Variants in MGMT observed in about 807,000 individuals in gnomAD.
MGMT encodes the protein methylated-DNA--protein-cysteine methyltransferase.
In MGMT, 14 loss-of-function variants were observed where a neutral mutation model predicts 15.9. That is an observed-to-expected ratio of 0.88 (90% confidence interval 0.58 to 1.37). The LOEUF is 1.37. MGMT is among the 40% of genes most tolerant of loss of function. The pLI is 0.00. For synonymous variants in MGMT, 130 were observed against 118.2 expected (o/e 1.10, Z -0.65); for missense variants, 282 against 268.1 (o/e 1.05, Z -0.36).
intron 3 of MGMT, among the ~76,000 whole-genome samples, chr10:129,745,765 A>T (rs1428950780): frequency 6.6e-6 from 1 of 151,792 alleles, no homozygotes; most frequent in Admixed American, 6.6e-5. Flanking sequence ...CTCTTTGGGG[A>T]AGTGTCAATT....
intron 3 of MGMT, among the ~76,000 whole-genome samples, chr10:129,719,632 C>T (rs1361227832): frequency 6.6e-6 from 1 of 152,160 alleles, no homozygotes; most frequent in African/African-American, 2.4e-5. Flanking sequence ...ATCATAATCT[C>T]CCCTTCTTAG....
intron 2 of MGMT, among the ~76,000 whole-genome samples, chr10:129,575,433 T>TACTG (rs1204736619): frequency 1.3e-4 from 19 of 151,236 alleles, no homozygotes; most frequent in Non-Finnish European, 2.4e-4. Context: ...CCTGAATGAC[T>TACTG]ACTGGGTACA....
At chr10:129,588,575 G>A (rs951135832) in intron 2 of MGMT, among the ~76,000 whole-genome samples, 14 of 152,136 alleles carry the variant, frequency 9.2e-5, no homozygotes, top group Non-Finnish European at 8.8e-5. Flanking sequence ...CTGTGGCTCG[G>A]TGTGGCCAAG....
chr10:129,598,579 G>T (rs74160237), intron 2 of MGMT, among the ~76,000 whole-genome samples: 1 of 152,146 alleles, frequency 6.6e-6, no homozygotes, highest in Non-Finnish European at 1.5e-5. Flanking sequence ...AAAACCACAC[G>T]CAAGAAAGCA....
At chr10:129,618,857 A>C (rs1216018518) in intron 2 of MGMT, among the ~76,000 whole-genome samples, 1 of 90,136 alleles carries the variant, frequency 1.1e-5, no homozygotes, top group Non-Finnish European at 2.8e-5. Flanking sequence ...GAGTTTGCTG[A>C]ACAAATTTAT....
intron 3 of MGMT, among the ~76,000 whole-genome samples, chr10:129,749,256 C>A (rs1255927017): frequency 6.6e-6 from 1 of 152,038 alleles, no homozygotes; most frequent in Non-Finnish European, 1.5e-5. Context: ...AATTTTACAC[C>A]CTAAAAATCC....
chr10:129,766,348 G>T (rs1253090754), intron 4 of MGMT, among the ~76,000 whole-genome samples: 5 of 152,244 alleles, frequency 3.3e-5, no homozygotes, highest in Non-Finnish European at 7.3e-5. Context: ...AGAGGCCCGT[G>T]CAGGTACGGT....
At chr10:129,607,711 T>G (rs745530428) in intron 2 of MGMT, among the ~76,000 whole-genome samples, 1 of 152,250 alleles carries the variant, frequency 6.6e-6, no homozygotes, top group Non-Finnish European at 1.5e-5. Flanking sequence ...CCAGTTTCCC[T>G]TGGACAGCTG....
chr10:129,690,615 C>T (rs921534075), intron 2 of MGMT, among the ~76,000 whole-genome samples: 20 of 152,276 alleles, frequency 1.3e-4, no homozygotes, highest in Admixed American at 5.9e-4. Flanking sequence ...ACCCTCTGGC[C>T]GCAGGAGAGC....
chr10:129,487,819 T>A (rs1020417668), intron 1 of MGMT, among the ~76,000 whole-genome samples: 1 of 151,950 alleles, frequency 6.6e-6, no homozygotes, highest in South Asian at 2.1e-4. Flanking sequence ...ATATTCTGAT[T>A]GTGGGTTATA....
intron 2 of MGMT, among the ~76,000 whole-genome samples, chr10:129,582,423 A>G (rs910865257): frequency 6.6e-6 from 1 of 152,232 alleles, no homozygotes; most frequent in Non-Finnish European, 1.5e-5. Flanking sequence ...CATTGAAAAA[A>G]TAACATCGTA....
In MGMT at chr10:129,556,380, A is replaced by G. The variant is rs1290478064; in HGVS notation, c.125+20003A>G. On this transcript the variant is annotated intron_variant, in intron 2 of 4. Coordinates refer to ENST00000651593, the MANE Select transcript of MGMT (RefSeq NM_002412.5). The surrounding 1 kb of genome is among the most constrained non-coding windows in gnomAD (Gnocchi z 4.3). ...GTCCCCATGAGATGGAGGTTGTGGCACAGACACACGGAGGGATGGCCACGT... is the reference window on the plus strand; with the variant it reads ...GTCCCCATGAGATGGAGGTTGTGGCGCAGACACACGGAGGGATGGCCACGT... Among the ~76,000 whole-genome samples, 1 of 152,166 alleles carries G rather than the reference A, an allele frequency of 6.6e-6. No homozygotes were observed. The highest frequency in any genetic ancestry group is 1.9e-4 in the East Asian group (1 of 5,182).
At chr10:129,713,074 C>T (rs1388406280) in intron 3 of MGMT, among the ~76,000 whole-genome samples, 1 of 152,186 alleles carries the variant, frequency 6.6e-6, no homozygotes, top group African/African-American at 2.4e-5. Context: ...AGGCTTTGTC[C>T]TTTCAGCACT....
chr10:129,648,866 C>CTTTTG (rs1847425431), intron 2 of MGMT, among the ~76,000 whole-genome samples: 1 of 152,180 alleles, frequency 6.6e-6, no homozygotes, highest in African/African-American at 2.4e-5. Flanking sequence ...TTCCTAAAGA[C>CTTTTG]TTTTGACCTC....
Position 129,748,577 on chromosome 10 carries a change from G to A in MGMT, c.275-10625G>A, listed in dbSNP as rs377618706. 5.3e-5 allele frequency among the ~76,000 whole-genome samples: 8 copies of A among 152,274 alleles called. No homozygotes were observed. The South Asian group carries it at 1.0e-3, about 20-fold the overall frequency. On this transcript the variant is annotated intron_variant, in intron 3 of 4. Transcript: ENST00000651593. ...AAATGCATGAGAAACCATGGACTGG[G>A]CACTAGGTTTGCTCCTTGCTATGGG... is the stretch of plus-strand genomic sequence containing the variant.
At chr10:129,513,649 G>A (rs993778908) in intron 1 of MGMT, among the ~76,000 whole-genome samples, 2 of 152,188 alleles carry the variant, frequency 1.3e-5, no homozygotes, top group African/African-American at 4.8e-5. Flanking sequence ...CTTTATCCTG[G>A]CCTTGGTGTT....
At chr10:129,678,506 C>A (rs993150555) in intron 2 of MGMT, among the ~76,000 whole-genome samples, 8 of 152,274 alleles carry the variant, frequency 5.3e-5, no homozygotes, top group African/African-American at 1.7e-4. Context: ...AGAAAGCATG[C>A]ATCACCTCCA....
chr10:129,731,650 T>C (rs1368432901), intron 3 of MGMT, among the ~76,000 whole-genome samples: 1 of 152,082 alleles, frequency 6.6e-6, no homozygotes, highest in Non-Finnish European at 1.5e-5. Flanking sequence ...TGCCTCGGCC[T>C]CCCAAAGTGC....
At chr10:129,475,162 C>G (rs1038581357) in intron 1 of MGMT, among the ~76,000 whole-genome samples, 20 of 151,924 alleles carry the variant, frequency 1.3e-4, no homozygotes, top group Non-Finnish European at 2.9e-5. Context: ...TAGATGGCTG[C>G]AGGTCGGTGT....
Sources: allele counts gnomAD v4.1 joint callset (sites outside exome capture counted in the v4.1 genomes callset), GRCh38; gene constraint gnomAD v4.1.1; non-coding constraint Gnocchi (gnomAD v3.1); transcripts MANE v1.5; gene names NCBI Gene and HGNC (gene_info 2026-07-23, HGNC 2026-07-21).